Variants in NRXN1 observed in about 807,000 individuals in gnomAD.
NRXN1 encodes neurexin-1.
In NRXN1, 39 loss-of-function variants were observed where a neutral mutation model predicts 150.9. That is an observed-to-expected ratio of 0.26 (90% CI 0.20 to 0.34). The LOEUF (loss-of-function observed/expected upper bound fraction) is 0.34. NRXN1 is among the 10% of genes least tolerant of loss of function. NRXN1 has a pLI of 1.00. For synonymous variants in NRXN1, 924 were observed against 757.0 expected, an observed-to-expected ratio of 1.22 and a Z score of -3.62; for missense variants, 1,815 against 1,949.9, an observed-to-expected ratio of 0.93 and a Z score of 1.30.
chr2:50,348,359 G>A (rs1317917551), intron 17 of NRXN1, among the ~76,000 whole-genome samples: 2 of 152,168 alleles, frequency 1.3e-5, no homozygotes, highest in Admixed American at 1.3e-4. Flanking sequence ...AATGGGAAGA[G>A]AGGAAGAGAA....
intron 18 of NRXN1, among the ~76,000 whole-genome samples, chr2:50,164,365 C>T (rs1006381854): frequency 1.3e-5 from 2 of 152,116 alleles, no homozygotes; most frequent in Non-Finnish European, 2.9e-5. Flanking sequence ...GCATAAGATA[C>T]ACAAAGTTTG....
At chr2:50,058,733 T>C (rs1355678917) in intron 19 of NRXN1, among the ~76,000 whole-genome samples, 2 of 152,016 alleles carry the variant, frequency 1.3e-5, no homozygotes, top group African/African-American at 4.8e-5. Context: ...TGGGGGTGGG[T>C]TTTTCCCATG....
intron 2 of NRXN1, among the ~76,000 whole-genome samples, chr2:50,945,162 C>G (rs1690139381): frequency 6.6e-6 from 1 of 152,160 alleles, no homozygotes; most frequent in Non-Finnish European, 1.5e-5. Context: ...AATGGGAAAG[C>G]AGTTACAAAT....
At chr2:50,862,202 CAAA>C (rs370954338) in intron 5 of NRXN1, among the ~76,000 whole-genome samples, 1 of 76,336 alleles carries the variant, frequency 1.3e-5, no homozygotes, top group Non-Finnish European at 2.6e-5. Flanking sequence ...GATTCCATCT[CAAA>C]AAAAAAAAAA....
At chr2:50,099,406 G>T (rs1156840326) in intron 18 of NRXN1, among the ~76,000 whole-genome samples, 1 of 151,324 alleles carries the variant, frequency 6.6e-6, no homozygotes, top group Non-Finnish European at 1.5e-5. Context: ...CATAACATTT[G>T]CCCTTTTAAA....
intron 19 of NRXN1, 149 bp downstream of exon 19, chr2:50,091,174 C>T (rs1488333826): frequency 1.8e-5 from 16 of 866,778 alleles, no homozygotes; most frequent in Non-Finnish European, 2.8e-5. Context: ...CAGTTTAGGA[C>T]AGCATTACAT....
At chr2:50,471,293 C>T (rs1051971457) in intron 16 of NRXN1, among the ~76,000 whole-genome samples, 3 of 151,592 alleles carry the variant, frequency 2.0e-5, no homozygotes, top group African/African-American at 7.3e-5. Context: ...GTCCCTTATA[C>T]CATGCTGTAT....
chr2:50,319,976 G>C (rs1399658216), intron 17 of NRXN1, among the ~76,000 whole-genome samples: 2 of 151,734 alleles, frequency 1.3e-5, no homozygotes, highest in Non-Finnish European at 2.9e-5. Context: ...TTTACCCAGA[G>C]GGTAAAGCAC....
At chr2:50,739,908 T>C (rs1699225668) in intron 5 of NRXN1, among the ~76,000 whole-genome samples, 1 of 152,178 alleles carries the variant, frequency 6.6e-6, no homozygotes, top group Admixed American at 6.5e-5. Context: ...TTTATGGTTA[T>C]TCAAATGCTG....
chr2:50,109,158 T>G (rs1490960518), intron 18 of NRXN1, among the ~76,000 whole-genome samples: 1 of 152,178 alleles, frequency 6.6e-6, no homozygotes, highest in South Asian at 2.1e-4. Context: ...ATTTTCTTTG[T>G]GTTAGAAAAT....
chr2:50,015,561 G>A (rs942646995), intron 21 of NRXN1, among the ~76,000 whole-genome samples: 1 of 150,036 alleles, frequency 6.7e-6, no homozygotes, highest in Admixed American at 6.7e-5. Context: ...GGCTTGGGAG[G>A]AGGCAGCCTG....
chr2:49,981,188 A>G (rs185915690), intron 21 of NRXN1, among the ~76,000 whole-genome samples: 2 of 152,240 alleles, frequency 1.3e-5, no homozygotes, highest in African/African-American at 4.8e-5. Flanking sequence ...AGGATGACAT[A>G]CTATTCACTT....
intron 12 of NRXN1, among the ~76,000 whole-genome samples, chr2:50,517,348 CTTGAACATAACGGCA>C (rs1307168831): frequency 6.6e-6 from 1 of 152,016 alleles, no homozygotes; most frequent in East Asian, 1.9e-4. Context: ...AGCTCAGTGC[CTTGAACATAACGGCA>C]ATTCACTAAG....
In NRXN1 at chr2:50,828,314, G is replaced by GT. The variant is rs1670808354; in HGVS notation, c.832+93554_832+93555insA. Among the ~76,000 whole-genome samples the GT allele has an allele frequency of 9.1e-3, 4 of 440 alleles. 1 individual carries two copies. The highest frequency in any genetic ancestry group is 0.025 in the African/African-American group (4 of 162). 0.3% of individuals were successfully genotyped at this position (440 alleles called of 152,430 possible). On this transcript the variant is annotated intron_variant, in intron 5 of 22. Coordinates refer to ENST00000401669, the MANE Select transcript of NRXN1 (RefSeq NM_001330078.2). ...CCTCCCGGACGGGGCGGCTGGCCGG[G>GT]AGGGGGCTGAACCCCCCGCCTCCCT...
intron 19 of NRXN1, among the ~76,000 whole-genome samples, chr2:50,079,827 A>G (rs2152682561): frequency 6.6e-6 from 1 of 152,256 alleles, no homozygotes; most frequent in East Asian, 1.9e-4. Flanking sequence ...TTTCCTAAAT[A>G]CATGCAAAGG....
intron 17 of NRXN1, among the ~76,000 whole-genome samples, chr2:50,407,766 C>T (rs1014212494): frequency 2.0e-5 from 3 of 152,106 alleles, no homozygotes; most frequent in African/African-American, 7.2e-5. Flanking sequence ...AAGGCCCTCA[C>T]CAGATATGGT....
intron 9 of NRXN1, among the ~76,000 whole-genome samples, chr2:50,543,416 A>C (rs957232267): frequency 3.5e-4 from 54 of 152,150 alleles, no homozygotes; most frequent in African/African-American, 1.3e-3. Context: ...TAAAGGAATG[A>C]GATCGCAACT....
chr2:49,949,311 C>G (rs1042513060), intron 21 of NRXN1, among the ~76,000 whole-genome samples: 3 of 151,844 alleles, frequency 2.0e-5, no homozygotes, highest in Non-Finnish European at 4.4e-5. Context: ...TTTTCAACAT[C>G]ATTAATGGTG....
chr2:50,821,135 A>T (rs989493081), intron 5 of NRXN1, among the ~76,000 whole-genome samples: 3 of 152,142 alleles, frequency 2.0e-5, no homozygotes, highest in African/African-American at 7.2e-5. Context: ...CAGGGTTTAT[A>T]ATTAAGAATA....
Sources: gnomAD v4.1 joint callset for allele counts (sites outside exome capture counted in the v4.1 genomes callset) on GRCh38, gnomAD v4.1.1 for gene constraint, MANE v1.5 for transcripts, NCBI Gene and HGNC (gene_info 2026-07-23, HGNC 2026-07-21) for gene names.